The following CHD6 variants were observed in gnomAD, a reference collection of about 807,000 sequenced individuals.
CHD6 encodes chromodomain helicase DNA binding protein 6, also known as ATP-dependent chromatin remodeler CHD6.
CHD6 carries 50 observed loss-of-function variants against 276.9 expected under a neutral mutation model. The observed-to-expected ratio is 0.18, with a 90% CI of 0.14 to 0.23. CHD6 has a LOEUF of 0.23. CHD6 is among the 10% of genes least tolerant of loss of function. The pLI is 1.00. For synonymous variants in CHD6, 1,173 were observed against 1,229.3 expected (o/e 0.95, Z 0.96); for missense variants, 2,564 against 3,365.8 (o/e 0.76, Z 5.89).
chr20:41,498,622 C>A (rs908229977), intron 6 of CHD6, among the ~76,000 whole-genome samples: 5 of 152,088 alleles, frequency 3.3e-5, no homozygotes, highest in Admixed American at 6.5e-5. Flanking sequence ...AGTTTACTTT[C>A]ATAAATTCTT....
intron 36 of CHD6, among the ~76,000 whole-genome samples, chr20:41,407,287 C>T (rs917953530): frequency 1.3e-5 from 2 of 152,142 alleles, no homozygotes; most frequent in African/African-American, 4.8e-5. Flanking sequence ...CCCACAGCCT[C>T]CTTGTCTGTG....
Position 41,451,050 on chromosome 20 carries a change from C to T in CHD6, c.3579G>A (p.Leu1193=). 1 of 1,613,988 alleles carries T rather than the reference C, an allele frequency of 6.2e-7. No homozygotes were observed. The highest frequency in any genetic ancestry group is 8.5e-7 in the Non-Finnish European group (1 of 1,179,866). Residue 1193 remains leucine, a synonymous_variant, in exon 23 of 37, where the codon TTG becomes TTA. Coordinates refer to ENST00000373233, the MANE Select transcript of CHD6 (RefSeq NM_032221.5). ...CTGCATCCTTTAGCTCTGGGATTAG[C>T]AACTGGTTCTTCGTCTTCTTCCCCT... ...GRKGKKTKNQ[L]LIPELKDADW... is the part of the protein sequence containing the mutation.
intron 19 of CHD6, among the ~76,000 whole-genome samples, chr20:41,454,957 CA>C (rs1157636989): frequency 2.0e-5 from 3 of 152,082 alleles, no homozygotes; most frequent in East Asian, 1.9e-4. Flanking sequence ...CTGAAGGGAT[CA>C]TTTTTTTTTG....
Position 41,538,026 on chromosome 20 carries a change from C to T in CHD6, c.34-4456G>A, listed in dbSNP as rs538884694. ...AACAGGCAAACAAAATGTGGTATGT[C>T]CATACAATGGCATATTATTCAGCCA... is the stretch of plus-strand genomic sequence containing the variant. On this transcript the variant is annotated intron_variant, in intron 2 of 36. Coordinates refer to ENST00000373233, the MANE Select transcript of CHD6 (RefSeq NM_032221.5). 2.0e-5 allele frequency among the ~76,000 whole-genome samples: 3 copies of T among 152,320 alleles called. No individual in the cohort carries two copies. The South Asian group carries it at 6.2e-4, about 32-fold the overall frequency.
intron 5 of CHD6, among the ~76,000 whole-genome samples, chr20:41,510,182 T>G (rs1193637021): frequency 6.6e-6 from 1 of 152,208 alleles, no homozygotes; most frequent in Non-Finnish European, 1.5e-5. Context: ...TCAATGATTT[T>G]CTGTGCCACT....
intron 4 of CHD6, among the ~76,000 whole-genome samples, chr20:41,514,497 T>C (rs1333474748): frequency 6.6e-6 from 1 of 152,208 alleles, no homozygotes. Context: ...ATTACCTGTA[T>C]GGCAAAAGAG....
rs1317517484 is a variant in CHD6, at chr20:41,473,014, G to C, written c.2664+308C>G. The C allele has an allele frequency of 4.0e-6, 1 of 249,078 alleles. No individual in the cohort carries two copies. Among genetic ancestry groups the C allele is most frequent in the Non-Finnish European group, 7.7e-6 (1 of 130,160 alleles). The allele number at this position is 249,078 out of a possible 1,614,324, so 15.4% of individuals were successfully genotyped here. A position where few individuals can be genotyped will look rare whatever the true frequency, so the allele number is the denominator to read the frequency against. ...CGAATCGTCTACATATCAAGAATTA[G>C]AGCATTAGTCAAGATTAGTATCTTT... On this transcript the variant is annotated intron_variant, in intron 17 of 36. Coordinates refer to ENST00000373233, the MANE Select transcript of CHD6 (RefSeq NM_032221.5). The surrounding 1 kb of genome is among the most constrained non-coding windows in gnomAD (Gnocchi z 4.1).
chr20:41,499,273 G>A (rs1174074395), intron 6 of CHD6, 22 bp downstream of exon 6: 1 of 1,576,984 alleles, frequency 6.3e-7, no homozygotes, highest in East Asian at 2.3e-5. Flanking sequence ...TGATATAAAA[G>A]CTAGAAACAT....
chr20:41,470,355 A>T (rs1245930673), intron 17 of CHD6, among the ~76,000 whole-genome samples: 2 of 138,620 alleles, frequency 1.4e-5, no homozygotes, highest in African/African-American at 5.6e-5. Context: ...GCTAGACTTT[A>T]AAAAAAAAAA....
In CHD6 at chr20:41,452,978, C is replaced by T; in HGVS notation, c.3121-36G>A. 1.3e-6 allele frequency: 2 copies of T among 1,491,290 alleles called. No homozygotes were observed. The highest frequency in any genetic ancestry group is 1.9e-6 in the Non-Finnish European group (2 of 1,068,896). The allele number at this position is 1,491,290 out of a possible 1,614,324, so 92.4% of individuals were successfully genotyped here. On this transcript the variant is annotated intron_variant, in intron 20 of 36. Transcript: ENST00000373233. This position sits in a 1 kb window ranked among gnomAD's most constrained non-coding sequence, Gnocchi z 4.2. ...AGAGGACTACTGGGAAGAAAGTCCT[C>T]TTTTCTCTACTCCTTTCACAAAGCA... is the stretch of plus-strand genomic sequence containing the variant.
chr20:41,609,749 T>A (rs763620354), intron 1 of CHD6, among the ~76,000 whole-genome samples: 1 of 152,124 alleles, frequency 6.6e-6, no homozygotes, highest in Non-Finnish European at 1.5e-5. Context: ...GGTAAATATA[T>A]CTAATAAAAC....
intron 1 of CHD6, among the ~76,000 whole-genome samples, chr20:41,554,273 C>A (rs2045188001): frequency 6.6e-6 from 1 of 152,210 alleles, no homozygotes; most frequent in African/African-American, 2.4e-5. Context: ...ATTTCTGATT[C>A]ACTACCACAA....
At chr20:41,617,540 A>G (rs531679834) in intron 1 of CHD6, among the ~76,000 whole-genome samples, 1 of 152,322 alleles carries the variant, frequency 6.6e-6, no homozygotes, top group South Asian at 2.1e-4. Context: ...TCCGATAGGC[A>G]TGTCCCTGGA....
Position 41,413,599 on chromosome 20 carries a change from T to G in CHD6, c.6940-84A>C. ...GAAAGAAAACATGTAAGGTGTTATT[T>G]GAATCACTCCACCTATTTCCACCCT... On this transcript the variant is annotated intron_variant, in intron 34 of 36. Coordinates refer to ENST00000373233, the MANE Select transcript of CHD6 (RefSeq NM_032221.5). 6.9e-6 allele frequency: 8 copies of G among 1,163,422 alleles called. 1 individual carries two copies. The South Asian group carries it at 1.3e-4, about 19-fold the overall frequency. The allele number at this position is 1,163,422 out of a possible 1,614,324, so 72.1% of individuals were successfully genotyped here.
At chr20:41,416,444 A>T in intron 33 of CHD6, 144 bp downstream of exon 33, 1 of 684,796 alleles carries the variant, frequency 1.5e-6, no homozygotes, top group Non-Finnish European at 2.5e-6. Context: ...GATAAAGTCT[A>T]AATTCCCCAA....
At chr20:41,493,505 G>T in intron 10 of CHD6, 33 bp downstream of exon 10, 1 of 1,604,808 alleles carries the variant, frequency 6.2e-7, no homozygotes, top group South Asian at 1.1e-5. Context: ...TACATGTTCC[G>T]AGAAGTGCCA....
chr20:41,468,919 T>C (rs2145760748), intron 17 of CHD6, among the ~76,000 whole-genome samples: 2 of 151,986 alleles, frequency 1.3e-5, no homozygotes, highest in South Asian at 4.2e-4. Flanking sequence ...GAGGCTGAGG[T>C]GGGTGGAGGC....
chr20:41,545,374 A>G (rs2045020429), intron 2 of CHD6, among the ~76,000 whole-genome samples: 1 of 152,232 alleles, frequency 6.6e-6, no homozygotes, highest in African/African-American at 2.4e-5. Context: ...AGGGGAAAGC[A>G]TTTAATGCTC....
At chr20:41,521,519 C>G (rs2044395198) in intron 3 of CHD6, among the ~76,000 whole-genome samples, 1 of 152,030 alleles carries the variant, frequency 6.6e-6, no homozygotes, top group Non-Finnish European at 1.5e-5. Flanking sequence ...TGAACACAAG[C>G]ATGTATATGT....
Sources: gnomAD v4.1 joint callset for allele counts (sites outside exome capture counted in the v4.1 genomes callset) on GRCh38, gnomAD v4.1.1 for gene constraint, Gnocchi (gnomAD v3.1) non-coding constraint, MANE v1.5 for transcripts, NCBI Gene and HGNC (gene_info 2026-07-23, HGNC 2026-07-21) for gene names.